The following SNX29 variants were observed in gnomAD, a reference collection of about 807,000 sequenced individuals.
SNX29 encodes sorting nexin 29, also known as sorting nexin-29.
In SNX29, 78 loss-of-function variants were observed where a neutral mutation model predicts 102.1. The ratio of observed to expected loss-of-function variants is 0.76; its 90% confidence interval spans 0.64 to 0.92. The LOEUF (loss-of-function observed/expected upper bound fraction) is 0.92, where lower values mean the gene tolerates loss of function less well. SNX29 is among the 40% of genes least tolerant of loss of function. SNX29 has a pLI of 0.00. For missense variants in SNX29, 1,280 were observed against 1,061.7 expected, an observed-to-expected ratio of 1.21 and a Z score of -2.86; for synonymous variants, 580 against 414.5, an observed-to-expected ratio of 1.40 and a Z score of -4.85.
chr16:12,251,829 G>A lies in SNX29; in HGVS notation c.1679-26104G>A, dbSNP rs143263848. ...GGCTGGAGTGTGGTGGCACGATCAC[G>A]GCTCACTGCAGCCTCGAGCTTCTGG... is the stretch of plus-strand genomic sequence containing the variant. On this transcript the variant is annotated intron_variant, in intron 14 of 20. Transcript: ENST00000566228. 2.8e-3 allele frequency among the ~76,000 whole-genome samples: 430 copies of A among 152,014 alleles called. 6 individuals are homozygous for A. The highest frequency in any genetic ancestry group is 9.5e-3 in the African/African-American group (396 of 41,476).
chr16:12,148,883 G>A (rs1285955789), intron 13 of SNX29, among the ~76,000 whole-genome samples: 1 of 151,892 alleles, frequency 6.6e-6, no homozygotes. Flanking sequence ...TGTATTTTTA[G>A]TAGAGACAGG....
intron 20 of SNX29, among the ~76,000 whole-genome samples, chr16:12,548,231 T>G (rs1374595253): frequency 6.6e-6 from 1 of 152,188 alleles, no homozygotes; most frequent in East Asian, 1.9e-4. Context: ...TGCCACAGTG[T>G]TAGGTTACAT....
At chr16:12,199,426 A>G (rs1348612465) in intron 13 of SNX29, among the ~76,000 whole-genome samples, 175 bp from the exon 14 acceptor site, 1 of 152,226 alleles carries the variant, frequency 6.6e-6, no homozygotes, top group Non-Finnish European at 1.5e-5. Flanking sequence ...AGACATGCCC[A>G]AGGTAACACA....
At chr16:12,439,910 C>A (rs2085723981) in intron 18 of SNX29, among the ~76,000 whole-genome samples, 1 of 152,184 alleles carries the variant, frequency 6.6e-6, no homozygotes, top group Admixed American at 6.5e-5. Context: ...CCTGGCTCTC[C>A]CTGAGTATCT....
chr16:12,508,920 C>T (rs2089492336), intron 19 of SNX29, among the ~76,000 whole-genome samples: 1 of 152,132 alleles, frequency 6.6e-6, no homozygotes, highest in South Asian at 2.1e-4. Context: ...GGGTCCTGGC[C>T]ATAATACTTA....
At chr16:12,293,335 C>T (rs1567406230) in intron 15 of SNX29, among the ~76,000 whole-genome samples, 1 of 152,168 alleles carries the variant, frequency 6.6e-6, no homozygotes, top group African/African-American at 2.4e-5. Context: ...GTAGAATATC[C>T]CGAGTTGCAT....
chr16:11,994,075 C>T (rs1398542400), intron 1 of SNX29, among the ~76,000 whole-genome samples: 2 of 152,136 alleles, frequency 1.3e-5, no homozygotes, highest in African/African-American at 2.4e-5. Flanking sequence ...GAGCTGAGAT[C>T]GCGCCATTGC....
At chr16:12,253,566 G>T (rs2078483507) in intron 14 of SNX29, among the ~76,000 whole-genome samples, 1 of 152,176 alleles carries the variant, frequency 6.6e-6, no homozygotes. Flanking sequence ...GTTGCCAAGG[G>T]GGCACTGGCC....
chr16:12,301,214 A>G (rs1047262045), intron 15 of SNX29, among the ~76,000 whole-genome samples: 5 of 152,202 alleles, frequency 3.3e-5, no homozygotes, highest in Non-Finnish European at 7.3e-5. Context: ...TGCTACCACA[A>G]ATCTAACTTG....
At chr16:12,559,841 C>G (rs566118932) in intron 20 of SNX29, among the ~76,000 whole-genome samples, 41 of 152,242 alleles carry the variant, frequency 2.7e-4, no homozygotes, top group Middle Eastern at 6.8e-3. Flanking sequence ...CATTCTAATG[C>G]CAGACTGCTT....
In SNX29 at chr16:12,343,454, C is replaced by T. The variant is rs576346058; in HGVS notation, c.1783-12709C>T. Among the ~76,000 whole-genome samples, 10 of 152,292 alleles carry T rather than the reference C, an allele frequency of 6.6e-5. No homozygotes were observed. The East Asian group carries it at 9.6e-4, about 15-fold the overall frequency. ...TCTTAACCATGTTTAAAATCCTGCT[C>T]GATACGATGGAGCCCCACTTTATAG... On this transcript the variant is annotated intron_variant, in intron 15 of 20. Coordinates refer to ENST00000566228, the MANE Select transcript of SNX29 (RefSeq NM_032167.5).
chr16:12,311,342 C>T (rs1252497927), intron 15 of SNX29, among the ~76,000 whole-genome samples: 1 of 152,204 alleles, frequency 6.6e-6, no homozygotes, highest in Non-Finnish European at 1.5e-5. Flanking sequence ...CAAACACAGC[C>T]TCTCACCCCA....
chr16:12,259,383 A>G (rs1291595501), intron 14 of SNX29, among the ~76,000 whole-genome samples: 3 of 152,160 alleles, frequency 2.0e-5, no homozygotes, highest in Non-Finnish European at 2.9e-5. Flanking sequence ...CCACTGGCTA[A>G]GAAGGTGTCC....
At chr16:12,253,638 G>A (rs1353094673) in intron 14 of SNX29, among the ~76,000 whole-genome samples, 1 of 152,162 alleles carries the variant, frequency 6.6e-6, no homozygotes, top group Non-Finnish European at 1.5e-5. Flanking sequence ...ACACCAAGGA[G>A]GCAGCAAGGC....
intron 16 of SNX29, among the ~76,000 whole-genome samples, chr16:12,392,598 G>C (rs1196374200): frequency 1.3e-5 from 2 of 152,182 alleles, no homozygotes; most frequent in African/African-American, 2.4e-5. Flanking sequence ...AAAAACAAAT[G>C]TGTCAAAAAC....
chr16:12,242,342 T>G (rs1405800113), intron 14 of SNX29, among the ~76,000 whole-genome samples: 2 of 142,894 alleles, frequency 1.4e-5, no homozygotes, highest in African/African-American at 5.4e-5. Flanking sequence ...AGAATCTAAT[T>G]ATATATAATA....
intron 18 of SNX29, among the ~76,000 whole-genome samples, chr16:12,432,638 G>C (rs1288029659): frequency 6.6e-6 from 1 of 152,252 alleles, no homozygotes; most frequent in Non-Finnish European, 1.5e-5. Flanking sequence ...TGTAGGCCCA[G>C]GGGCAGACCC....
At chr16:12,046,938 T>A (rs966660478) in intron 6 of SNX29, among the ~76,000 whole-genome samples, 6 of 152,170 alleles carry the variant, frequency 3.9e-5, no homozygotes, top group African/African-American at 1.4e-4. Flanking sequence ...GGTCCATTTA[T>A]CTAGAATGGG....
chr16:12,357,236 T>A (rs867426175), intron 16 of SNX29, among the ~76,000 whole-genome samples: 1 of 152,188 alleles, frequency 6.6e-6, no homozygotes, highest in Non-Finnish European at 1.5e-5. Flanking sequence ...TCACGGCCAA[T>A]TGTGTTTCAG....
Sources: allele counts gnomAD v4.1 joint callset (sites outside exome capture counted in the v4.1 genomes callset), GRCh38; gene constraint gnomAD v4.1.1; transcripts MANE v1.5; gene names NCBI Gene and HGNC (gene_info 2026-07-23, HGNC 2026-07-21).